LENG1: variants seen among roughly 807,000 people sequenced by gnomAD.
LENG1 encodes leukocyte receptor cluster (LRC) member 1.
LENG1 carries 35 observed loss-of-function variants against 28.8 expected under a neutral mutation model. The observed-to-expected ratio is 1.22, with a 90% confidence interval of 0.93 to 1.61. The LOEUF (loss-of-function observed/expected upper bound fraction) is 1.61. Among genes scored for constraint, LENG1 ranks in the 40% most tolerant of loss-of-function variants. The pLI is 0.00. For missense variants in LENG1, 404 were observed against 348.9 expected (o/e 1.16, Z -1.26); for synonymous variants, 170 against 140.6 (o/e 1.21, Z -1.48).
In LENG1 at chr19:54,155,532, C is replaced by A; in HGVS notation, c.*189G>T. The A allele has an allele frequency of 1.1e-6, 1 of 910,730 alleles. No homozygotes were observed. Among genetic ancestry groups the A allele is most frequent in the Non-Finnish European group, 1.6e-6 (1 of 610,130 alleles). The allele number at this position is 910,730 out of a possible 1,614,324, so 56.4% of individuals were successfully genotyped here. A position where few individuals can be genotyped will look rare whatever the true frequency, so the allele number is the denominator to read the frequency against. On this transcript the variant is annotated 3_prime_UTR_variant, in exon 4 of 4. Coordinates refer to ENST00000222224, the MANE Select transcript of LENG1 (RefSeq NM_024316.3). Reference sequence around the variant, plus strand: ...CGGGGCATCCCCCTCTCCCAGGAAGCAGGGAGGGGGCCGGGAGGTTTTCCT... The same window carrying A: ...CGGGGCATCCCCCTCTCCCAGGAAGAAGGGAGGGGGCCGGGAGGTTTTCCT...
rs142913817 is a variant in LENG1, at chr19:54,155,909, G to T, written c.607C>A (p.Arg203Ser). 3.1e-6 allele frequency: 5 copies of T among 1,611,796 alleles called. No homozygotes were observed. The highest frequency in any genetic ancestry group is 1.7e-5 in the Admixed American group (1 of 59,820). ...CTCTCAGCTGCTTCCCTCCGCAGAC[G>T]TTCAGCTCGAAGCTGGTCCAGGGAT... ...PPSLDQLRAE[R>S]LRREAAERSR... The change falls in exon 4 of 4, where the codon CGT becomes AGT. Residue 203 changes from arginine (R) to serine (S), a missense_variant. Arg to Ser is a moderately radical substitution (Grantham distance 110, BLOSUM62 -1). Transcript: ENST00000222224.
rs1187302314 is a variant in LENG1, at chr19:54,155,835, C to A, written c.681G>T (p.Gln227His). The change falls in exon 4 of 4, where the codon CAG (glutamine) becomes CAT (histidine). Residue 227 changes from glutamine (Q) to histidine (H), a missense_variant. Gln to His is a conservative substitution (Grantham distance 24). Transcript: ENST00000222224. ...LLARVQGRAL[Q>H]EGQPEEDETD... ...TCTCGTCTTCTTCCGGCTGACCCTCCTGTAGTGCCCGGCCTTGGACCCGGG... is the reference window on the plus strand; with the variant it reads ...TCTCGTCTTCTTCCGGCTGACCCTCATGTAGTGCCCGGCCTTGGACCCGGG... 1 of 1,612,720 alleles carries A rather than the reference C, an allele frequency of 6.2e-7. No individual in the cohort carries two copies. Among genetic ancestry groups the A allele is most frequent in the Admixed American group, 1.7e-5 (1 of 59,954 alleles).
chr19:54,156,978 A>G lies in LENG1; in HGVS notation c.360T>C (p.Ser120=), dbSNP rs1270219606. 8.2e-6 allele frequency: 13 copies of G among 1,594,314 alleles called. No homozygotes were observed. The African/African-American group carries it at 1.6e-4, about 20-fold the overall frequency. ...ALGILTYLGQ[S]AAEAQTQPPW... is the part of the protein sequence containing the mutation. ...GGGGTTGAGTCTGTGCCTCCGCTGC[A>G]CTCTGGCCCAGGTATGTCAGGATGC... is the stretch of plus-strand genomic sequence containing the variant. The change falls in exon 3 of 4, where the codon AGT becomes AGC. Residue 120 remains serine, a synonymous_variant. Transcript: ENST00000222224.
rs771369734 is a variant in LENG1 at position 54,158,454 on chromosome 19, G to T, written c.140C>A (p.Thr47Lys). 5.6e-6 allele frequency: 9 copies of T among 1,613,808 alleles called. 1 individual carries two copies. The East Asian group carries it at 1.6e-4, about 28-fold the overall frequency. Residue 47 changes from threonine to lysine, a missense_variant, in exon 2 of 4, where the codon ACA (threonine) becomes AAA (lysine). Physicochemically the swap from Thr to Lys is moderately conservative, Grantham distance 78. Coordinates refer to ENST00000222224, the MANE Select transcript of LENG1 (RefSeq NM_024316.3). ...RVLLAQQEAR[T>K]EFLRKKARHQ... ...TCTGGCTTTCTTCCGTAGGAATTCT[G>T]TACGGGCCTGGGGAGAAAGTTATAG...
chr19:54,157,687 A>G (rs2075420754), intron 2 of LENG1, among the ~76,000 whole-genome samples: 1 of 149,738 alleles, frequency 6.7e-6, no homozygotes, highest in Non-Finnish European at 1.5e-5. Context: ...TACCTTTTAC[A>G]CTTGATCTTA....
rs761446889 is a variant in LENG1 at position 54,155,921 on chromosome 19, G to A, written c.595C>T (p.Leu199Phe). ...RPKEPPSLDQ[L>F]RAERLRREAA... ...TCCCTCCGCAGACGTTCAGCTCGAA[G>A]CTGGTCCAGGGATGGAGGCCTGTGG... is the stretch of plus-strand genomic sequence containing the variant. The change falls in exon 4 of 4, where the codon CTT (leucine) becomes TTT (phenylalanine). Residue 199 changes from leucine to phenylalanine, a missense_variant. Physicochemically the swap from Leu to Phe is conservative, Grantham distance 22. Coordinates refer to ENST00000222224, the MANE Select transcript of LENG1 (RefSeq NM_024316.3). The A allele has an allele frequency of 6.8e-6, 11 of 1,610,466 alleles. No individual in the cohort carries two copies. The highest frequency in any genetic ancestry group is 2.2e-5 in the East Asian group (1 of 44,812).
At chr19:54,157,870 A>C (rs1172376284) in intron 2 of LENG1, among the ~76,000 whole-genome samples, 1 of 151,026 alleles carries the variant, frequency 6.6e-6, no homozygotes, top group Admixed American at 6.6e-5. Flanking sequence ...GGCGCGCACC[A>C]CCATGCCCGG....
Position 54,155,488 on chromosome 19 carries a change from G to A in LENG1, c.*233C>T. 1 of 1,056,492 alleles carries A rather than the reference G, an allele frequency of 9.5e-7. No individual in the cohort carries two copies. The highest frequency in any genetic ancestry group is 2.4e-5 in the Admixed American group (1 of 42,174). The allele number at this position is 1,056,492 out of a possible 1,614,324, so 65.4% of individuals were successfully genotyped here. A position where few individuals can be genotyped will look rare whatever the true frequency, so the allele number is the denominator to read the frequency against. On this transcript the variant is annotated 3_prime_UTR_variant, in exon 4 of 4. Transcript: ENST00000222224. Reference sequence around the variant, plus strand: ...GGTGAGGGCCCTGCCCTGGAAGACTGGAGGGAGGCCCCAAGCCACGGGGCA... The same window carrying A: ...GGTGAGGGCCCTGCCCTGGAAGACTAGAGGGAGGCCCCAAGCCACGGGGCA...
intron 1 of LENG1, 133 bp from the exon 2 acceptor site, chr19:54,158,594 G>A: frequency 1.3e-6 from 1 of 768,306 alleles, no homozygotes; most frequent in Non-Finnish European, 2.1e-6. Flanking sequence ...GCGCCTAAAA[G>A]AGGCACCTGT....
Position 54,155,455 on chromosome 19 carries a change from C to T in LENG1, c.*266G>A, listed in dbSNP as rs2075356355. ...CCCCCTTCCCCCGCATGCTGATCCC[C>T]CTGCCCAGGTGAGGGCCCTGCCCTG... On this transcript the variant is annotated 3_prime_UTR_variant, in exon 4 of 4. Transcript: ENST00000222224. The T allele has an allele frequency of 2.3e-6, 3 of 1,283,926 alleles. No individual in the cohort carries two copies. Among genetic ancestry groups the T allele is most frequent in the Non-Finnish European group, 3.3e-6 (3 of 911,378 alleles). The allele number at this position is 1,283,926 out of a possible 1,614,324, so 79.5% of individuals were successfully genotyped here. A position where few individuals can be genotyped will look rare whatever the true frequency, so the allele number is the denominator to read the frequency against.
rs1048295865 is a variant in LENG1, at chr19:54,155,434, C to T, written c.*287G>A. On this transcript the variant is annotated 3_prime_UTR_variant, in exon 4 of 4. Transcript: ENST00000222224. ...ACCGGCCCCTCCCTCTACCCACCCC[C>T]TTCCCCCGCATGCTGATCCCCCTGC... 2.7e-6 allele frequency: 4 copies of T among 1,473,504 alleles called. No homozygotes were observed. The highest frequency in any genetic ancestry group is 1.4e-5 in the African/African-American group (1 of 72,028). The allele number at this position is 1,473,504 out of a possible 1,614,324, so 91.3% of individuals were successfully genotyped here. A position where few individuals can be genotyped will look rare whatever the true frequency, so the allele number is the denominator to read the frequency against.
intron 3 of LENG1, 56 bp from the exon 4 acceptor site, chr19:54,155,996 C>T: frequency 6.8e-7 from 1 of 1,472,464 alleles, no homozygotes; most frequent in Non-Finnish European, 9.2e-7. Flanking sequence ...GCCATTCCCC[C>T]AACCTCTCCC....
chr19:54,159,484 A>T (rs1269938811), intron 1 of LENG1, 80 bp downstream of exon 1: 10 of 1,408,282 alleles, frequency 7.1e-6, no homozygotes, highest in Non-Finnish European at 7.5e-6. Context: ...GAGCCTGCGC[A>T]ACGCCTCCGC....
chr19:54,157,884 AT>A (rs59509764), intron 2 of LENG1, among the ~76,000 whole-genome samples: 7,161 of 149,736 alleles, frequency 0.048, 539 homozygotes, highest in African/African-American at 0.16. Context: ...TGCCCGGCTA[AT>A]TTTTTTTGTA....
rs764596803 is a variant in LENG1, at chr19:54,155,806, T to G, written c.710A>C (p.Asp237Ala). ...GGAGTTGTACCGCCGCCGCCGGTCATCCGTCTCGTCTTCTTCCGGCTGACC... is the reference window on the plus strand; with the variant it reads ...GGAGTTGTACCGCCGCCGCCGGTCAGCCGTCTCGTCTTCTTCCGGCTGACC... Reference protein sequence around the residue: ...QEGQPEEDETDDRRRRYNSQF... With the variant: ...QEGQPEEDETADRRRRYNSQF... Residue 237 changes from aspartate to alanine, a missense_variant, in exon 4 of 4, where the codon GAT becomes GCT. Coordinates refer to ENST00000222224, the MANE Select transcript of LENG1 (RefSeq NM_024316.3). The G allele has an allele frequency of 1.2e-6, 2 of 1,612,130 alleles. No homozygotes were observed. Among genetic ancestry groups the G allele is most frequent in the African/African-American group, 1.3e-5 (1 of 74,906 alleles).
At chr19:54,158,085 A>G (rs1405858458) in intron 2 of LENG1, among the ~76,000 whole-genome samples, 197 bp downstream of exon 2, 1 of 152,132 alleles carries the variant, frequency 6.6e-6, no homozygotes, top group Non-Finnish European at 1.5e-5. Flanking sequence ...GCAGCTGGGG[A>G]CCTCTAGCAT....
In LENG1 at chr19:54,155,631, T is replaced by C. The variant is rs1303755911; in HGVS notation, c.*90A>G. ...CTCCCCAGTGAGGGACATTTTTTGG[T>C]AAACCTATTTTCATTTTGGAAAATA... On this transcript the variant is annotated 3_prime_UTR_variant, in exon 4 of 4. Transcript: ENST00000222224. The C allele has an allele frequency of 1.5e-6, 2 of 1,326,848 alleles. No individual in the cohort carries two copies. The highest frequency in any genetic ancestry group is 2.1e-6 in the Non-Finnish European group (2 of 971,406). 82.2% of individuals were successfully genotyped at this position (1,326,848 alleles called of 1,614,324 possible). A position where few individuals can be genotyped will look rare whatever the true frequency, so the allele number is the denominator to read the frequency against.
intron 3 of LENG1, among the ~76,000 whole-genome samples, chr19:54,156,251 T>G (rs1178135333): frequency 1.3e-5 from 2 of 152,206 alleles, no homozygotes; most frequent in African/African-American, 4.8e-5. Flanking sequence ...ACAGGCAGTG[T>G]ACCCCCTCTA....
At chr19:54,156,163 C>T (rs1192653711) in intron 3 of LENG1, among the ~76,000 whole-genome samples, 1 of 152,214 alleles carries the variant, frequency 6.6e-6, no homozygotes, top group African/African-American at 2.4e-5. Context: ...TCTTTAAAAT[C>T]TGATGCTTCT....
Sources: allele counts gnomAD v4.1 joint callset (sites outside exome capture counted in the v4.1 genomes callset), GRCh38; gene constraint gnomAD v4.1.1; transcripts MANE v1.5; gene names NCBI Gene and HGNC (gene_info 2026-07-23, HGNC 2026-07-21).